The following NCOR1 variants were observed in gnomAD, a reference collection of about 807,000 sequenced individuals.
NCOR1 encodes protein phosphatase 1, regulatory subunit 109.
NCOR1 carries 63 observed loss-of-function variants against 288.1 expected under a neutral mutation model. That is an observed-to-expected ratio of 0.22 (90% CI 0.18 to 0.27). The LOEUF (loss-of-function observed/expected upper bound fraction) is 0.27, where lower values mean the gene tolerates loss of function less well. NCOR1 is among the 10% of genes least tolerant of loss of function. The pLI is 1.00. For missense variants in NCOR1, 2,397 were observed against 3,019.2 expected (o/e 0.79, Z 4.83); for synonymous variants, 1,007 against 1,065.9 (o/e 0.94, Z 1.08).
chr17:16,202,828 AC>A (rs1401136655), intron 1 of NCOR1, among the ~76,000 whole-genome samples: 3 of 151,976 alleles, frequency 2.0e-5, no homozygotes, highest in Non-Finnish European at 4.4e-5. Flanking sequence ...TTTTTGCTGC[AC>A]CCCTCTCAGC....
chr17:16,043,779 A>C (rs1239467722), intron 42 of NCOR1, among the ~76,000 whole-genome samples: 1 of 152,238 alleles, frequency 6.6e-6, no homozygotes, highest in Non-Finnish European at 1.5e-5. Flanking sequence ...AGAGAAATTG[A>C]AAACAAGAGT....
chr17:16,101,125 T>C (rs1239623464), intron 20 of NCOR1, 125 bp downstream of exon 20: 1 of 924,830 alleles, frequency 1.1e-6, no homozygotes, highest in East Asian at 2.4e-5. Flanking sequence ...AATATTAAAA[T>C]TGTACAGACT....
At position 16,071,428 on chromosome 17, in the gene NCOR1, A is replaced by G; in HGVS notation, c.4133T>C (p.Ile1378Thr). 1 of 1,613,002 alleles carries G rather than the reference A, an allele frequency of 6.2e-7. No individual in the cohort carries two copies. The highest frequency in any genetic ancestry group is 1.1e-5 in the South Asian group (1 of 90,816). Residue 1378 changes from isoleucine to threonine, a missense_variant, in exon 30 of 46, where the codon ATT becomes ACT. Around this residue, in one of 11 missense-constraint regions of NCOR1, gnomAD observed 1,872 missense variants for 2,187.8 expected, o/e 0.86. Transcript: ENST00000268712. The part of the protein sequence containing the change: ...PEVVQSTRPI[I>T]EGSISQGTPI... ...AGTTACCTGGGAAATGGAACCCTCA[A>G]TTATCGGCCGTGTGCTCTGGACCAC... is the stretch of plus-strand genomic sequence containing the variant.
chr17:16,065,967 T>C (rs1245759720), intron 32 of NCOR1: 1 of 440,376 alleles, frequency 2.3e-6, no homozygotes, highest in Non-Finnish European at 4.2e-6. Context: ...CATGTAACTT[T>C]ATCATATTTT....
intron 20 of NCOR1, among the ~76,000 whole-genome samples, chr17:16,100,013 T>C (rs1012866884): frequency 6.6e-6 from 1 of 152,176 alleles, no homozygotes; most frequent in African/African-American, 2.4e-5. Flanking sequence ...AGACACACTC[T>C]GAAAGATAAA....
In NCOR1 at chr17:16,048,882, G is replaced by A. The variant is rs1014515209; in HGVS notation, c.6499C>T (p.Leu2167Phe). The change falls in exon 41 of 46, where the codon CTC (leucine) becomes TTC (phenylalanine). Residue 2167 changes from leucine to phenylalanine, a missense_variant. Physicochemically the swap from Leu to Phe is conservative, Grantham distance 22. This residue lies in a region of NCOR1 where 1,872 missense variants were observed against 2,187.8 expected (regional missense o/e 0.86). Coordinates refer to ENST00000268712, the MANE Select transcript of NCOR1 (RefSeq NM_006311.4). ...VVHEKQDSLL[L>F]LSQRGAEPAE... ...GGCTCTGCGCCCCTCTGAGACAAGA[G>A]CAGCAAGCTGTCCTGTTTCTCATGC... 3.1e-6 allele frequency: 5 copies of A among 1,613,800 alleles called. No individual in the cohort carries two copies. Among genetic ancestry groups the A allele is most frequent in the Non-Finnish European group, 4.2e-6 (5 of 1,179,784 alleles).
intron 1 of NCOR1, among the ~76,000 whole-genome samples, chr17:16,195,376 C>G (rs1289472056): frequency 1.3e-5 from 2 of 151,922 alleles, no homozygotes; most frequent in African/African-American, 4.8e-5. Context: ...GAGGCTGAGG[C>G]AGGAGAATCG....
Position 16,070,394 on chromosome 17 carries a change from T to C in NCOR1, c.4284A>G (p.Lys1428=). ...PPLEIVPENI[K]VVERGKYEDV... Reference sequence around the variant, plus strand: ...CCTCATATTTTCCCCGTTCTACCACTTTTATGTTCTCTGGCACAATTTCCA... The same window carrying C: ...CCTCATATTTTCCCCGTTCTACCACCTTTATGTTCTCTGGCACAATTTCCA... Residue 1428 remains lysine, a synonymous_variant, in exon 31 of 46, where the codon AAA becomes AAG. Transcript: ENST00000268712. 1 of 1,614,174 alleles carries C rather than the reference T, an allele frequency of 6.2e-7. No homozygotes were observed. Among genetic ancestry groups the C allele is most frequent in the Middle Eastern group, 1.6e-4 (1 of 6,062 alleles).
Position 16,040,233 on chromosome 17 carries a change from T to C in NCOR1, c.6733+208A>G, listed in dbSNP as rs1453824362. 8 of 665,780 alleles carry C rather than the reference T, an allele frequency of 1.2e-5. 1 individual carries two copies. In the Admixed American group the frequency reaches 1.4e-4, roughly 12 times the overall value. The allele number at this position is 665,780 out of a possible 1,614,324, so 41.2% of individuals were successfully genotyped here. A position where few individuals can be genotyped will look rare whatever the true frequency, so the allele number is the denominator to read the frequency against. ...TGTTCTTTAATAGTTTCATTCTTTT[T>C]GTTCATTTATCTTTTCAATAGGTAT... On this transcript the variant is annotated intron_variant, in intron 43 of 45. Transcript: ENST00000268712.
In NCOR1 at chr17:16,070,110, T is replaced by G. The variant is rs149093536; in HGVS notation, c.4513+55A>C. On this transcript the variant is annotated intron_variant, in intron 31 of 45. Transcript: ENST00000268712. ...ATTTACTACTTGACAAAGGTTTTTT[T>G]TTTTTTTTTTAAATGCAATAAAAAG... The G allele has an allele frequency of 8.4e-4, 1,269 of 1,518,388 alleles. 13 individuals carry two copies. In the African/African-American group the frequency reaches 0.016, roughly 19 times the overall value. 94.1% of individuals were successfully genotyped at this position (1,518,388 alleles called of 1,614,324 possible).
chr17:16,092,681 ATATATATATATATATTTTTTTT>A (rs1254499490), intron 21 of NCOR1, among the ~76,000 whole-genome samples: 11 of 19,944 alleles, frequency 5.5e-4, no homozygotes, highest in Admixed American at 6.9e-4. Flanking sequence ...ATATATATAT[ATATATATATATATATTTTTTTT>A]TTTTTTTTTT....
chr17:16,061,388 T>C lies in NCOR1; in HGVS notation c.5881+13A>G, dbSNP rs565162391. 3 of 1,606,250 alleles carry C rather than the reference T, an allele frequency of 1.9e-6. No individual in the cohort carries two copies. Among genetic ancestry groups the C allele is most frequent in the Non-Finnish European group, 2.6e-6 (3 of 1,175,002 alleles). On this transcript the variant is annotated intron_variant, in intron 37 of 45. Coordinates refer to ENST00000268712, the MANE Select transcript of NCOR1 (RefSeq NM_006311.4). Reference sequence around the variant, plus strand: ...CAGACATCACATTGTGAAACTCGGATTGAGATACATACAGCTACTAGAAGA... The same window carrying C: ...CAGACATCACATTGTGAAACTCGGACTGAGATACATACAGCTACTAGAAGA...
chr17:16,166,630 A>C (rs2082059713), intron 4 of NCOR1, among the ~76,000 whole-genome samples: 1 of 152,092 alleles, frequency 6.6e-6, no homozygotes, highest in Non-Finnish European at 1.5e-5. Context: ...CAGTGAGCTG[A>C]GATTGCACTA....
Position 16,103,263 on chromosome 17 carries a change from G to A in NCOR1, c.2183-1506C>T, listed in dbSNP as rs548238143. ...CCTCTTCTCATTTACCCCATATCCA[G>A]CCTTGACAAGGCTCACTGATTTTCT... On this transcript the variant is annotated intron_variant, in intron 19 of 45. Transcript: ENST00000268712. Among the ~76,000 whole-genome samples, 8 of 152,238 alleles carry A rather than the reference G, an allele frequency of 5.3e-5. No individual in the cohort carries two copies. In the South Asian group the frequency reaches 1.7e-3, roughly 32 times the overall value.
At chr17:16,199,212 A>ACACACACACACAC (rs1555813691) in intron 1 of NCOR1, among the ~76,000 whole-genome samples, 1 of 109,592 alleles carries the variant, frequency 9.1e-6, no homozygotes, top group African/African-American at 3.6e-5. Context: ...AGGAAAAAAA[A>ACACACACACACAC]AAAAACACAC....
At chr17:16,062,366 C>T in intron 35 of NCOR1, 96 bp from the exon 36 acceptor site, 8 of 1,217,052 alleles carry the variant, frequency 6.6e-6, no homozygotes, top group Non-Finnish European at 8.6e-6. Flanking sequence ...CCTAACATAC[C>T]TAAATAGAAA....
rs141240790 is a variant in NCOR1 at position 16,185,278 on chromosome 17, A to AT, written c.242+1275dup. Among the ~76,000 whole-genome samples the AT allele has an allele frequency of 3.4e-3, 522 of 152,286 alleles. 4 individuals carry two copies. The highest frequency in any genetic ancestry group is 0.012 in the African/African-American group (512 of 41,554). ...AAAATAAAAACAAAAGCAAAAATAA[A>AT]TAACTTTGTGAGATGATGGATATGC... On this transcript the variant is annotated intron_variant, in intron 3 of 45. Coordinates refer to ENST00000268712, the MANE Select transcript of NCOR1 (RefSeq NM_006311.4).
chr17:16,119,640 C>T (rs1382956816), intron 16 of NCOR1, among the ~76,000 whole-genome samples, 155 bp from the exon 17 acceptor site: 1 of 152,204 alleles, frequency 6.6e-6, no homozygotes, highest in Non-Finnish European at 1.5e-5. Flanking sequence ...AACCTCTCCT[C>T]CACCAAACTA....
chr17:16,039,328 A>T, intron 44 of NCOR1, 105 bp downstream of exon 44: 1 of 1,089,520 alleles, frequency 9.2e-7, no homozygotes, highest in Non-Finnish European at 1.3e-6. Context: ...GACTCTGAGC[A>T]CATAAAGACA....
Sources: gnomAD v4.1 joint callset for allele counts (sites outside exome capture counted in the v4.1 genomes callset) on GRCh38, gnomAD v4.1.1 for gene constraint, gnomAD v4.1.1 regional missense constraint, MANE v1.5 for transcripts, NCBI Gene and HGNC (gene_info 2026-07-23, HGNC 2026-07-21) for gene names.